PLEKHA8: variants seen among roughly 807,000 people sequenced by gnomAD.
PLEKHA8 encodes pleckstrin homology domain containing A8.
PLEKHA8 carries 36 observed loss-of-function variants against 68.2 expected under a neutral mutation model. The observed-to-expected ratio is 0.53, with a 90% CI of 0.40 to 0.70. The LOEUF is 0.70. PLEKHA8 is among the 30% of genes least tolerant of loss of function. The probability of loss-of-function intolerance (pLI) is 0.00; values close to 1 mark genes in which losing one functional copy is unlikely to be tolerated. For missense variants in PLEKHA8, 505 were observed against 615.4 expected (o/e 0.82, Z 1.90); for synonymous variants, 211 against 216.1 (o/e 0.98, Z 0.20).
intron 13 of PLEKHA8, among the ~76,000 whole-genome samples, chr7:30,104,621 A>C (rs117170367): frequency 0.019 from 2,889 of 152,296 alleles, 42 homozygotes; most frequent in East Asian, 0.041. Flanking sequence ...TGAAATTCCA[A>C]AACAGGCAAA....
chr7:30,052,163 A>G (rs1448641567), intron 6 of PLEKHA8, among the ~76,000 whole-genome samples: 1 of 152,180 alleles, frequency 6.6e-6, no homozygotes, highest in Admixed American at 6.5e-5. Flanking sequence ...GCTGGGGAGC[A>G]GGAAGATTGG....
chr7:30,078,398 G>A (rs1794744854), intron 13 of PLEKHA8, among the ~76,000 whole-genome samples, 192 bp from the exon 14 acceptor site: 2 of 152,214 alleles, frequency 1.3e-5, no homozygotes, highest in Admixed American at 1.3e-4. Flanking sequence ...TAGCCTTAAA[G>A]TTATTTGAAT....
At chr7:30,068,695 TTATC>T (rs961429710) in intron 12 of PLEKHA8, among the ~76,000 whole-genome samples, 4 of 152,216 alleles carry the variant, frequency 2.6e-5, no homozygotes, top group Non-Finnish European at 2.9e-5. Flanking sequence ...CGTTTGCTCT[TTATC>T]TATGGTGTCT....
chr7:30,098,676 T>C (rs952965439), intron 13 of PLEKHA8, among the ~76,000 whole-genome samples: 7 of 152,236 alleles, frequency 4.6e-5, no homozygotes, highest in African/African-American at 1.7e-4. Context: ...TTAAACCCGT[T>C]GGAAAAGCGC....
At chr7:30,123,670 C>G (rs1392385071) in intron 13 of PLEKHA8, among the ~76,000 whole-genome samples, 1 of 152,176 alleles carries the variant, frequency 6.6e-6, no homozygotes, top group Admixed American at 6.5e-5. Flanking sequence ...ATCACATGAG[C>G]TTAGAGCTGC....
At position 30,080,390 on chromosome 7, in the gene PLEKHA8, G is replaced by C; in HGVS notation, c.*1603G>C. ...GGAAGGGAAGTTCCAGCATGAGGTA[G>C]TTATCCAGGGTAGAAGGTCCTTTGA... is the stretch of plus-strand genomic sequence containing the variant. On this transcript the variant is annotated 3_prime_UTR_variant, in exon 14 of 14. Transcript: ENST00000449726. 1.0e-6 allele frequency: 1 copy of C among 985,244 alleles called. No individual in the cohort carries two copies. The allele number at this position is 985,244 out of a possible 1,614,324, so 61.0% of individuals were successfully genotyped here.
intron 13 of PLEKHA8, among the ~76,000 whole-genome samples, chr7:30,097,978 T>C (rs1043639907): frequency 1.3e-5 from 2 of 152,206 alleles, no homozygotes; most frequent in African/African-American, 4.8e-5. Context: ...TGGTCTTTGA[T>C]GATGGTGACG....
chr7:30,114,435 T>C (rs940904484), intron 13 of PLEKHA8, among the ~76,000 whole-genome samples: 2 of 152,246 alleles, frequency 1.3e-5, no homozygotes, highest in Non-Finnish European at 2.9e-5. Context: ...AACCCAGCAC[T>C]TTAGCTTCAG....
intron 2 of PLEKHA8, 45 bp downstream of exon 2, chr7:30,045,246 TCCCTC>T: frequency 6.7e-7 from 1 of 1,489,248 alleles, no homozygotes; most frequent in Admixed American, 1.9e-5. Context: ...CTTTCTGTTT[TCCCTC>T]AAAAACAAAA....
intron 13 of PLEKHA8, among the ~76,000 whole-genome samples, chr7:30,121,874 C>G (rs193113875): frequency 6.6e-6 from 1 of 152,336 alleles, no homozygotes; most frequent in East Asian, 1.9e-4. Flanking sequence ...GGAGTTCACA[C>G]TTTTCCTGCC....
At chr7:30,096,351 T>G (rs1795619177) in intron 13 of PLEKHA8, among the ~76,000 whole-genome samples, 1 of 152,234 alleles carries the variant, frequency 6.6e-6, no homozygotes, top group East Asian at 1.9e-4. Context: ...ATAAGAATGC[T>G]TGGGATTTTT....
chr7:30,115,742 A>G (rs548596704), intron 13 of PLEKHA8: 2 of 144,344 alleles, frequency 1.4e-5, no homozygotes, highest in East Asian at 2.1e-4. Flanking sequence ...GTATACATGT[A>G]TACATACGTG....
chr7:30,117,096 C>T (rs1268352618), intron 13 of PLEKHA8, among the ~76,000 whole-genome samples: 1 of 152,120 alleles, frequency 6.6e-6, no homozygotes, highest in African/African-American at 2.4e-5. Context: ...GCAGATTGAA[C>T]GTTATTAAGG....
Position 30,116,006 on chromosome 7 carries a change from A to G in PLEKHA8, c.1363-13260A>G, listed in dbSNP as rs1175996395. 2 of 147,084 alleles carry G rather than the reference A, an allele frequency of 1.4e-5. 1 individual carries two copies. Among genetic ancestry groups the G allele is most frequent in the Non-Finnish European group, 3.0e-5 (2 of 65,696 alleles). The allele number at this position is 147,084 out of a possible 1,614,324, so 9.1% of individuals were successfully genotyped here. On this transcript the variant is annotated intron_variant, in intron 13 of 13. Coordinates refer to the PLEKHA8 transcript ENST00000396257. ...CATGTATGCATACGCATACATACGC[A>G]TACATACGCATACATACGTATACAT...
intron 13 of PLEKHA8, among the ~76,000 whole-genome samples, chr7:30,113,437 A>C (rs769912781): frequency 6.6e-6 from 1 of 152,140 alleles, no homozygotes; most frequent in South Asian, 2.1e-4. Context: ...TGTGCTGTCA[A>C]CTTATTTTTT....
intron 13 of PLEKHA8, among the ~76,000 whole-genome samples, chr7:30,109,449 G>A (rs972812581): frequency 4.6e-5 from 7 of 151,802 alleles, no homozygotes; most frequent in African/African-American, 1.2e-4. Flanking sequence ...TTAGCTGGGC[G>A]TGGTGGTGGA....
chr7:30,076,204 T>C (rs567118326), intron 13 of PLEKHA8, among the ~76,000 whole-genome samples: 22 of 152,266 alleles, frequency 1.4e-4, no homozygotes, highest in Non-Finnish European at 2.8e-4. Flanking sequence ...AATCTATCAT[T>C]ATCATTTTTA....
chr7:30,126,566 C>T (rs1796775095), intron 13 of PLEKHA8, among the ~76,000 whole-genome samples: 1 of 152,296 alleles, frequency 6.6e-6, no homozygotes, highest in African/African-American at 2.4e-5. Context: ...CTATCTACAA[C>T]CTATAAAATT....
chr7:30,114,452 C>T (rs192629757), intron 13 of PLEKHA8, among the ~76,000 whole-genome samples: 198 of 152,330 alleles, frequency 1.3e-3, no homozygotes, highest in Admixed American at 3.8e-3. Flanking sequence ...TCAGTTTCTG[C>T]GCTCTTAGCT....
Sources: gnomAD v4.1 joint callset for allele counts (sites outside exome capture counted in the v4.1 genomes callset) on GRCh38, gnomAD v4.1.1 for gene constraint, MANE v1.5 for transcripts, NCBI Gene and HGNC (gene_info 2026-07-23, HGNC 2026-07-21) for gene names.